The following TRPM2 variants were observed in gnomAD, a reference collection of about 807,000 sequenced individuals.
TRPM2 encodes transient receptor potential cation channel subfamily M member 2.
A neutral mutation model predicts 174.0 loss-of-function variants in TRPM2; 161 were observed. That is an observed-to-expected ratio of 0.93 (90% CI 0.81 to 1.05). TRPM2 has a LOEUF of 1.05. Among genes scored for constraint, TRPM2 ranks in the 50% least tolerant of loss-of-function variants. TRPM2 has a pLI of 0.00. For missense variants in TRPM2, 2,057 were observed against 2,038.0 expected (o/e 1.01, Z -0.18); for synonymous variants, 954 against 861.3 (o/e 1.11, Z -1.88).
intron 16 of TRPM2, among the ~76,000 whole-genome samples, chr21:44,402,773 G>A (rs974124285): frequency 8.5e-5 from 13 of 152,298 alleles, no homozygotes; most frequent in South Asian, 2.1e-4. Flanking sequence ...GTGCCCCCAC[G>A]GTGCCTGCAC....
intron 29 of TRPM2, 57 bp downstream of exon 29, chr21:44,437,224 C>A: frequency 6.9e-7 from 1 of 1,459,820 alleles, no homozygotes; most frequent in South Asian, 1.2e-5. Context: ...GTCACTCGTC[C>A]ATTCATCCAT....
chr21:44,428,141 CAT>C (rs1325810681), intron 27 of TRPM2, among the ~76,000 whole-genome samples: 1 of 152,160 alleles, frequency 6.6e-6, no homozygotes, highest in African/African-American at 2.4e-5. Context: ...ACTTGCGAAT[CAT>C]ATTTTCATTA....
chr21:44,369,270 A>T lies in TRPM2; in HGVS notation c.698A>T (p.Glu233Val). 1 of 1,613,826 alleles carries T rather than the reference A, an allele frequency of 6.2e-7. No homozygotes were observed. Among genetic ancestry groups the T allele is most frequent in the East Asian group, 2.2e-5 (1 of 44,874 alleles). Residue 233 changes from glutamate (E) to valine (V), a missense_variant, in exon 5 of 32, where the codon GAA becomes GTA. By Grantham distance (121) the Glu-to-Val change is moderately radical. Transcript: ENST00000397928. ...RDFSLSSSYK[E>V]GELITIGVAT... The stretch of plus-strand genomic sequence containing the variant: ...TTCAGCCTGAGCAGCAGCTACAAGG[A>T]AGGCGAGCTCATCACCATCGGAGTC...
At chr21:44,375,776 G>C in intron 5 of TRPM2, 57 bp from the exon 6 acceptor site, 3 of 1,545,902 alleles carry the variant, frequency 1.9e-6, no homozygotes, top group Non-Finnish European at 8.8e-7. Context: ...CAGCCTGCTC[G>C]CGTTAGAGAG....
chr21:44,414,188 A>C, intron 20 of TRPM2, 114 bp downstream of exon 20: 1 of 1,341,764 alleles, frequency 7.5e-7, no homozygotes, highest in Non-Finnish European at 1.0e-6. Context: ...GGGCTGGTGC[A>C]CAGAGGCGCG....
At chr21:44,404,708 A>T (rs140563060) in intron 16 of TRPM2, among the ~76,000 whole-genome samples, 6 of 151,966 alleles carry the variant, frequency 3.9e-5, no homozygotes, top group Non-Finnish European at 5.9e-5. Flanking sequence ...GTGGATAGTG[A>T]TATGACAGCG....
At chr21:44,353,559 T>G, upstream of TRPM2, 1 of 1,135,950 alleles carries the variant, frequency 8.8e-7, no homozygotes, top group South Asian at 2.1e-5. Flanking sequence ...CCAGGTCCTC[T>G]CAGAACATCA....
chr21:44,408,068 C>G (rs960474274), intron 19 of TRPM2, among the ~76,000 whole-genome samples: 1 of 151,944 alleles, frequency 6.6e-6, no homozygotes, highest in African/African-American at 2.4e-5. Context: ...GCCTCAGCCT[C>G]CCGAGTAGCT....
rs938182682 is a variant in TRPM2, at chr21:44,354,991, A to T, written c.254+255A>T. Among the ~76,000 whole-genome samples the T allele has an allele frequency of 8.6e-5, 13 of 152,002 alleles. No homozygotes were observed. Among genetic ancestry groups the T allele is most frequent in the Non-Finnish European group, 1.8e-4 (12 of 68,046 alleles). On this transcript the variant is annotated intron_variant, in intron 2 of 31. Coordinates refer to ENST00000397928, the MANE Select transcript of TRPM2 (RefSeq NM_003307.4). This position sits in a 1 kb window ranked among gnomAD's most constrained non-coding sequence, Gnocchi z 4.3. ...GAGTTTAGGTGACTTGTTCAGGGTCATAAGGGCACTGTCGCGCGGCGAGGC... is the reference window on the plus strand; with the variant it reads ...GAGTTTAGGTGACTTGTTCAGGGTCTTAAGGGCACTGTCGCGCGGCGAGGC...
intron 28 of TRPM2, among the ~76,000 whole-genome samples, chr21:44,435,444 C>T (rs2051207351): frequency 6.6e-6 from 1 of 152,032 alleles, no homozygotes; most frequent in African/African-American, 2.4e-5. Context: ...TCCCAGGACC[C>T]ATCCCCTCTC....
At position 44,440,904 on chromosome 21, in the gene TRPM2, CTG is replaced by C. The variant is rs1238830471; in HGVS notation, c.4386+1_4386+2del. On this transcript the variant is annotated splice_donor_variant and coding_sequence_variant, in exon 31 of 32. Coordinates refer to ENST00000397928, the MANE Select transcript of TRPM2 (RefSeq NM_003307.4). LOFTEE classifies it high-confidence loss of function. ...GACGTGGAGCTGAACAGGCTGAACT[CTG>C]TATGTGCCTGGCCTCCCTGGAGGCG... 6.2e-7 allele frequency: 1 copy of C among 1,613,378 alleles called. No homozygotes were observed. Among genetic ancestry groups the C allele is most frequent in the Non-Finnish European group, 8.5e-7 (1 of 1,179,656 alleles).
chr21:44,417,472 C>T (rs1302108962), intron 20 of TRPM2, among the ~76,000 whole-genome samples: 1 of 118,952 alleles, frequency 8.4e-6, no homozygotes, highest in African/African-American at 3.6e-5. Context: ...GTGGGCGTGG[C>T]TCTGCTCTCT....
At chr21:44,436,884 C>T (rs999319031) in intron 28 of TRPM2, among the ~76,000 whole-genome samples, 178 bp from the exon 29 acceptor site, 1 of 152,158 alleles carries the variant, frequency 6.6e-6, no homozygotes, top group Non-Finnish European at 1.5e-5. Flanking sequence ...AAGGACGTCC[C>T]CTAAGTGGTT....
upstream of TRPM2, among the ~76,000 whole-genome samples, chr21:44,350,582 A>G (rs1602102385): frequency 2.9e-5 from 2 of 69,952 alleles, no homozygotes; most frequent in Non-Finnish European, 5.4e-5. Flanking sequence ...GGCGGGGTGC[A>G]GGGGCGCGGG....
intron 21 of TRPM2, 95 bp downstream of exon 21, chr21:44,418,203 C>T: frequency 6.7e-7 from 1 of 1,489,752 alleles, no homozygotes; most frequent in Non-Finnish European, 9.0e-7. Context: ...ACCCTGGACG[C>T]TCAGCAGGCG....
chr21:44,417,871 G>T, intron 20 of TRPM2, 56 bp from the exon 21 acceptor site: 1 of 1,558,178 alleles, frequency 6.4e-7, no homozygotes, highest in Non-Finnish European at 8.7e-7. Context: ...CGGTGAGAGG[G>T]GTCTGTTCTG....
intron 27 of TRPM2, among the ~76,000 whole-genome samples, chr21:44,428,371 G>C (rs1411302355): frequency 6.6e-6 from 1 of 151,840 alleles, no homozygotes; most frequent in Non-Finnish European, 1.5e-5. Context: ...CCTCCCCTGA[G>C]GTGTGGCTCC....
intron 30 of TRPM2, among the ~76,000 whole-genome samples, chr21:44,440,307 A>C (rs1390455450): frequency 6.2e-3 from 24 of 3,860 alleles, no homozygotes; most frequent in South Asian, 0.016. Context: ...CTGCGCTCAA[A>C]AAAAAAAAAA....
intron 2 of TRPM2, among the ~76,000 whole-genome samples, chr21:44,358,499 C>T (rs943962776): frequency 2.0e-5 from 3 of 152,166 alleles, no homozygotes; most frequent in South Asian, 2.1e-4. Context: ...GAGTTCCGAG[C>T]GAGCTCTCCG....
Sources: gnomAD v4.1 joint callset for allele counts (sites outside exome capture counted in the v4.1 genomes callset) on GRCh38, gnomAD v4.1.1 for gene constraint, Gnocchi (gnomAD v3.1) non-coding constraint, MANE v1.5 for transcripts, NCBI Gene and HGNC (gene_info 2026-07-23, HGNC 2026-07-21) for gene names.